PSMF1: variants seen among roughly 807,000 people sequenced by gnomAD.
PSMF1 encodes proteasome inhibitor subunit 1.
Under a neutral mutation model 29.3 loss-of-function variants are expected in PSMF1, and 30 were observed. The observed-to-expected ratio is 1.02, with a 90% CI of 0.77 to 1.39. The LOEUF is 1.39. Among genes scored for constraint, PSMF1 ranks in the 40% most tolerant of loss-of-function variants. The probability of loss-of-function intolerance (pLI) is 0.00; values close to 1 mark genes in which losing one functional copy is unlikely to be tolerated. For missense variants in PSMF1, 344 were observed against 357.5 expected (o/e 0.96, Z 0.31); for synonymous variants, 134 against 139.7 (o/e 0.96, Z 0.29).
At chr20:1,153,057 T>C (rs929894578) in intron 4 of PSMF1, among the ~76,000 whole-genome samples, 11 of 152,214 alleles carry the variant, frequency 7.2e-5, no homozygotes, top group African/African-American at 2.7e-4. Context: ...TCTCACTATG[T>C]TTCAATGTCA....
At chr20:1,151,033 T>C (rs976950830) in intron 4 of PSMF1, among the ~76,000 whole-genome samples, 2 of 152,262 alleles carry the variant, frequency 1.3e-5, no homozygotes, top group African/African-American at 4.8e-5. Flanking sequence ...TATGTTACTT[T>C]AATAATTTAA....
intron 3 of PSMF1, among the ~76,000 whole-genome samples, chr20:1,134,243 G>A (rs924581305): frequency 2.6e-5 from 4 of 151,948 alleles, no homozygotes. Flanking sequence ...TTTCTTCTCA[G>A]CAATCCTTTA....
chr20:1,160,612 T>C (rs2086654551), intron 4 of PSMF1: 1 of 503,452 alleles, frequency 2.0e-6, no homozygotes, highest in Non-Finnish European at 4.0e-6. Context: ...ATACTCGTCA[T>C]TGACAATGGC....
upstream of PSMF1, among the ~76,000 whole-genome samples, chr20:1,115,801 C>T (rs767521735): frequency 1.3e-5 from 2 of 149,940 alleles, no homozygotes; most frequent in Non-Finnish European, 2.9e-5. Flanking sequence ...GGCTTGATCT[C>T]GGCTCACTGC....
At chr20:1,132,613 T>G (rs1287139843) in intron 3 of PSMF1, among the ~76,000 whole-genome samples, 2 of 152,196 alleles carry the variant, frequency 1.3e-5, no homozygotes, top group Non-Finnish European at 2.9e-5. Flanking sequence ...TAAGCTTGTG[T>G]ATATCTATGA....
Position 1,165,294 on chromosome 20 carries a change from G to C in PSMF1, c.*214G>C. ...GCAGATAGCTCCCAAAGAGAAATCA[G>C]TGTGTCTCTTTCACCATCAGCTCCT... On this transcript the variant is annotated 3_prime_UTR_variant, in exon 7 of 7. Transcript: ENST00000335877. 7.1e-7 allele frequency: 1 copy of C among 1,412,576 alleles called. No homozygotes were observed. Among genetic ancestry groups the C allele is most frequent in the South Asian group, 1.6e-5 (1 of 63,402 alleles). The allele number at this position is 1,412,576 out of a possible 1,614,324, so 87.5% of individuals were successfully genotyped here. A position where few individuals can be genotyped will look rare whatever the true frequency, so the allele number is the denominator to read the frequency against.
At chr20:1,142,318 G>A (rs557065535) in intron 4 of PSMF1, among the ~76,000 whole-genome samples, 2 of 151,858 alleles carry the variant, frequency 1.3e-5, no homozygotes, top group Non-Finnish European at 2.9e-5. Context: ...CGTGCACAAC[G>A]TGCAGGTTAG....
At chr20:1,157,824 TTGTAGTCCTGCC>T (rs1457731700) in intron 4 of PSMF1, among the ~76,000 whole-genome samples, 1 of 152,068 alleles carries the variant, frequency 6.6e-6, no homozygotes, top group Non-Finnish European at 1.5e-5. Flanking sequence ...TCTGGATCAT[TTGTAGTCCTGCC>T]TGGATTGGGC....
intron 1 of PSMF1, among the ~76,000 whole-genome samples, chr20:1,119,878 C>G (rs557159875): frequency 1.3e-5 from 2 of 152,160 alleles, no homozygotes; most frequent in Non-Finnish European, 2.9e-5. Context: ...GGAAACAGAC[C>G]ACCCCACCTA....
intron 2 of PSMF1, 28 bp from the exon 3 acceptor site, chr20:1,127,390 ATCCCAGTC>A: frequency 6.7e-7 from 1 of 1,496,202 alleles, no homozygotes; most frequent in Non-Finnish European, 9.3e-7. Flanking sequence ...AGCCAGAAAT[ATCCCAGTC>A]TCTCACTTTC....
At chr20:1,120,473 G>A (rs73071630) in intron 1 of PSMF1, among the ~76,000 whole-genome samples, 11,367 of 152,090 alleles carry the variant, frequency 0.075, 579 homozygotes, top group Non-Finnish European at 0.11. Context: ...TCAGACCTTG[G>A]GACCAGGTAG....
chr20:1,121,490 G>T (rs2086087124), intron 1 of PSMF1, among the ~76,000 whole-genome samples: 1 of 152,122 alleles, frequency 6.6e-6, no homozygotes, highest in South Asian at 2.1e-4. Context: ...GGAAACTGGA[G>T]AGGCATCTTT....
intron 1 of PSMF1, among the ~76,000 whole-genome samples, chr20:1,122,538 G>A (rs2086103038): frequency 6.6e-6 from 1 of 152,064 alleles, no homozygotes; most frequent in South Asian, 2.1e-4. Context: ...GAATGCAAGT[G>A]ATCTGCCTGC....
upstream of PSMF1, among the ~76,000 whole-genome samples, chr20:1,113,817 G>A (rs533261297): frequency 1.7e-3 from 254 of 151,880 alleles, no homozygotes; most frequent in Non-Finnish European, 3.2e-3. Flanking sequence ...CTCAGCCTCC[G>A]AGTAGCTGGA....
intron 1 of PSMF1, 107 bp from the exon 2 acceptor site, chr20:1,125,391 C>A: frequency 8.1e-7 from 1 of 1,236,916 alleles, no homozygotes; most frequent in Non-Finnish European, 1.1e-6. Flanking sequence ...ACCTCCACAT[C>A]TTCATCTGTG....
rs574934791 is a variant in PSMF1 at position 1,160,120 on chromosome 20, A to G, written c.552-3010A>G. Among the ~76,000 whole-genome samples the G allele has an allele frequency of 2.6e-5, 4 of 151,906 alleles. No individual in the cohort carries two copies. In the East Asian group the frequency reaches 7.8e-4, roughly 29 times the overall value. On this transcript the variant is annotated intron_variant, in intron 4 of 6. Transcript: ENST00000335877. ...ACAGGAAAGTATAAAGAAAGCCCTCACCACCCAGGAGTGACTGTCACTGTT... is the reference window on the plus strand; with the variant it reads ...ACAGGAAAGTATAAAGAAAGCCCTCGCCACCCAGGAGTGACTGTCACTGTT...
In PSMF1 at chr20:1,168,786, T is replaced by G. The variant is rs112178207; in HGVS notation, c.*3706T>G. ...TTCACAGGAGGAATATTAGAATCTA[T>G]GGAGCAGTTAGTATTCTTTGTCACC... On this transcript the variant is annotated 3_prime_UTR_variant, in exon 7 of 7. Coordinates refer to ENST00000335877, the MANE Select transcript of PSMF1 (RefSeq NM_006814.5). 0.014 allele frequency among the ~76,000 whole-genome samples: 2,133 copies of G among 152,326 alleles called. 54 individuals are homozygous for G. Among genetic ancestry groups the G allele is most frequent in the African/African-American group, 0.049 (2,032 of 41,562 alleles).
chr20:1,137,995 G>A (rs940248354), intron 4 of PSMF1, among the ~76,000 whole-genome samples: 3 of 152,086 alleles, frequency 2.0e-5, no homozygotes, highest in East Asian at 3.9e-4. Flanking sequence ...GAAGTTAGGC[G>A]GGAATACACA....
At chr20:1,113,574 T>G (rs1041737773) in intron 1 of PSMF1, among the ~76,000 whole-genome samples, 2 of 151,810 alleles carry the variant, frequency 1.3e-5, no homozygotes, top group African/African-American at 4.8e-5. Flanking sequence ...GTCCTGGCCT[T>G]CAGGGGATTC....
Sources: allele counts gnomAD v4.1 joint callset (sites outside exome capture counted in the v4.1 genomes callset), GRCh38; gene constraint gnomAD v4.1.1; transcripts MANE v1.5; gene names NCBI Gene and HGNC (gene_info 2026-07-23, HGNC 2026-07-21).